The following CCSER1 variants were observed in gnomAD, a reference collection of about 807,000 sequenced individuals.
CCSER1 encodes coiled-coil serine rich protein 1, also known as serine-rich coiled-coil domain-containing protein 1.
In CCSER1, 41 loss-of-function variants were observed where a neutral mutation model predicts 82.0. The observed-to-expected ratio is 0.50, with a 90% CI of 0.39 to 0.65. CCSER1 has a LOEUF of 0.65. Among genes scored for constraint, CCSER1 ranks in the 30% least tolerant of loss-of-function variants. The pLI is 0.00. For synonymous variants in CCSER1, 414 were observed against 383.9 expected (o/e 1.08, Z -0.92); for missense variants, 1,119 against 1,064.2 (o/e 1.05, Z -0.72).
At chr4:91,586,305 G>A (rs1238029135) in intron 10 of CCSER1, among the ~76,000 whole-genome samples, 1 of 151,714 alleles carries the variant, frequency 6.6e-6, no homozygotes, top group Non-Finnish European at 1.5e-5. Context: ...TTAGATTAAA[G>A]CAAATAAGTT....
chr4:91,510,179 G>T (rs1759744660), intron 10 of CCSER1, among the ~76,000 whole-genome samples: 2 of 152,088 alleles, frequency 1.3e-5, no homozygotes. Flanking sequence ...TGCTGCAAAG[G>T]ATACAATTTT....
intron 1 of CCSER1, among the ~76,000 whole-genome samples, chr4:90,135,645 C>T (rs933295430): frequency 1.3e-5 from 2 of 152,190 alleles, no homozygotes; most frequent in African/African-American, 4.8e-5. Flanking sequence ...GGAGTGCTTT[C>T]TAAACGACAG....
intron 9 of CCSER1, among the ~76,000 whole-genome samples, chr4:91,079,772 G>T (rs764556265): frequency 2.0e-5 from 3 of 152,124 alleles, no homozygotes; most frequent in Non-Finnish European, 4.4e-5. Context: ...TGCCGTCCTA[G>T]TCTCTGATAA....
At chr4:90,977,185 T>C (rs1204362588) in intron 9 of CCSER1, among the ~76,000 whole-genome samples, 1 of 151,566 alleles carries the variant, frequency 6.6e-6, no homozygotes, top group Non-Finnish European at 1.5e-5. Context: ...TAAAGCTTCA[T>C]GCTAAGCAAG....
chr4:90,269,963 A>C (rs1725954704), intron 1 of CCSER1, among the ~76,000 whole-genome samples: 1 of 152,102 alleles, frequency 6.6e-6, no homozygotes, highest in Admixed American at 6.6e-5. Context: ...ACCTACCAAG[A>C]TTGACCTGTG....
intron 10 of CCSER1, among the ~76,000 whole-genome samples, chr4:91,228,699 G>T (rs998303844): frequency 1.3e-5 from 2 of 152,068 alleles, no homozygotes; most frequent in Non-Finnish European, 2.9e-5. Context: ...TCTGATTACA[G>T]ATGGAATAAA....
At chr4:90,753,575 C>T (rs1749050787) in intron 7 of CCSER1, among the ~76,000 whole-genome samples, 1 of 151,966 alleles carries the variant, frequency 6.6e-6, no homozygotes, top group Non-Finnish European at 1.5e-5. Flanking sequence ...CTGTTTCTTC[C>T]ACGTACACTA....
intron 10 of CCSER1, among the ~76,000 whole-genome samples, chr4:91,146,463 T>C (rs1273074978): frequency 1.3e-5 from 2 of 152,318 alleles, no homozygotes; most frequent in East Asian, 1.9e-4. Flanking sequence ...ACCAGGGAGC[T>C]AATGCAATTT....
intron 8 of CCSER1, among the ~76,000 whole-genome samples, chr4:90,854,221 A>G (rs1764201383): frequency 6.6e-6 from 1 of 152,188 alleles, no homozygotes; most frequent in Non-Finnish European, 1.5e-5. Flanking sequence ...GTTGAGTTCT[A>G]ATTTAGATCT....
chr4:90,414,676 A>G (rs1057493041), intron 4 of CCSER1, among the ~76,000 whole-genome samples: 46 of 152,260 alleles, frequency 3.0e-4, no homozygotes, highest in African/African-American at 1.1e-3. Context: ...GAGGTTCGTT[A>G]GATAAACCTC....
chr4:91,182,320 C>CAAGTTATT (rs1734118814), intron 10 of CCSER1, among the ~76,000 whole-genome samples: 1 of 152,194 alleles, frequency 6.6e-6, no homozygotes, highest in Non-Finnish European at 1.5e-5. Flanking sequence ...TATTATTTTA[C>CAAGTTATT]CTATTTCCCA....
chr4:90,576,904 G>T (rs11943572), intron 5 of CCSER1, among the ~76,000 whole-genome samples: 2,337 of 152,204 alleles, frequency 0.015, 54 homozygotes, highest in African/African-American at 0.053. Flanking sequence ...GCAATTGCTA[G>T]ATCATATAGT....
intron 10 of CCSER1, among the ~76,000 whole-genome samples, chr4:91,437,263 C>T (rs182472789): frequency 1.3e-5 from 2 of 152,096 alleles, no homozygotes; most frequent in East Asian, 1.9e-4. Flanking sequence ...TATCTCATAC[C>T]CTGGGGGAAG....
chr4:90,871,549 T>A (rs1319239303), intron 8 of CCSER1, among the ~76,000 whole-genome samples: 1 of 151,872 alleles, frequency 6.6e-6, no homozygotes, highest in African/African-American at 2.4e-5. Context: ...TATTTCAAAT[T>A]TTTTTGTTTT....
At chr4:91,449,864 A>G (rs541048312) in intron 10 of CCSER1, among the ~76,000 whole-genome samples, 4 of 152,244 alleles carry the variant, frequency 2.6e-5, no homozygotes, top group African/African-American at 9.6e-5. Context: ...TGAATAAAGT[A>G]TATAACTTTT....
intron 7 of CCSER1, among the ~76,000 whole-genome samples, chr4:90,739,174 C>T (rs1746132896): frequency 6.6e-6 from 1 of 152,166 alleles, no homozygotes; most frequent in Non-Finnish European, 1.5e-5. Context: ...GCTGTTTAGT[C>T]AGCAGGTTAT....
chr4:90,738,592 A>C (rs770085691), intron 7 of CCSER1, among the ~76,000 whole-genome samples: 4 of 152,054 alleles, frequency 2.6e-5, no homozygotes, highest in Non-Finnish European at 5.9e-5. Context: ...TGTCTTCCCA[A>C]GGCCCACTGT....
chr4:90,596,772 G>T (rs763893763), intron 5 of CCSER1, among the ~76,000 whole-genome samples: 1 of 151,756 alleles, frequency 6.6e-6, no homozygotes, highest in Non-Finnish European at 1.5e-5. Context: ...TAATTTAAAT[G>T]ATTAAAATCA....
At chr4:91,322,849 T>C (rs1292773804) in intron 10 of CCSER1, among the ~76,000 whole-genome samples, 2 of 152,120 alleles carry the variant, frequency 1.3e-5, no homozygotes, top group African/African-American at 2.4e-5. Flanking sequence ...GATTGTGTTA[T>C]ATAAGAAAAG....
Sources: allele counts gnomAD v4.1 joint callset (sites outside exome capture counted in the v4.1 genomes callset), GRCh38; gene constraint gnomAD v4.1.1; transcripts MANE v1.5; gene names NCBI Gene and HGNC (gene_info 2026-07-23, HGNC 2026-07-21).